Variants in ATP8B4 observed in about 807,000 individuals in gnomAD.
The protein encoded by ATP8B4 is probable phospholipid-transporting ATPase IM.
ATP8B4 carries 133 observed loss-of-function variants against 145.6 expected under a neutral mutation model. The observed-to-expected ratio is 0.91, with a 90% CI of 0.79 to 1.05. The LOEUF is 1.05. Among genes scored for constraint, ATP8B4 ranks in the 50% least tolerant of loss-of-function variants. The probability of loss-of-function intolerance (pLI) is 0.00; values close to 1 mark genes in which losing one functional copy is unlikely to be tolerated. For missense variants in ATP8B4, 1,458 were observed against 1,425.2 expected, an observed-to-expected ratio of 1.02 and a Z score of -0.37; for synonymous variants, 507 against 492.9, an observed-to-expected ratio of 1.03 and a Z score of -0.38.
chr15:50,043,034 C>CTA (rs2051424843), intron 5 of ATP8B4, among the ~76,000 whole-genome samples: 1 of 152,140 alleles, frequency 6.6e-6, no homozygotes, highest in South Asian at 2.1e-4. Flanking sequence ...TATTAGCCTA[C>CTA]TATATATGCT....
In ATP8B4 at chr15:50,031,915, C is replaced by T. The variant is rs77301154; in HGVS notation, c.362+6853G>A. 9.5e-3 allele frequency among the ~76,000 whole-genome samples: 1,452 copies of T among 152,314 alleles called. 32 individuals carry two copies. The highest frequency in any genetic ancestry group is 0.033 in the African/African-American group (1,392 of 41,562). ...ACCAGAACTACTACTTTATATACTT[C>T]ACTTTTAAATGCTATATAGTTAATT... On this transcript the variant is annotated intron_variant, in intron 6 of 27. Transcript: ENST00000284509.
chr15:50,086,948 TTATA>T (rs1181037069), intron 2 of ATP8B4, among the ~76,000 whole-genome samples: 2 of 101,632 alleles, frequency 2.0e-5, no homozygotes, highest in Non-Finnish European at 3.5e-5. Context: ...TCTATATTTA[TTATA>T]TATAATAAAA....
intron 5 of ATP8B4, among the ~76,000 whole-genome samples, 198 bp from the exon 6 acceptor site, chr15:50,039,027 CG>C (rs2051061347): frequency 6.6e-6 from 1 of 152,168 alleles, no homozygotes; most frequent in South Asian, 2.1e-4. Flanking sequence ...CATTACACTC[CG>C]GATGTCACCA....
intron 1 of ATP8B4, among the ~76,000 whole-genome samples, chr15:50,172,663 C>T (rs938312719): frequency 1.3e-5 from 2 of 151,038 alleles, no homozygotes; most frequent in Non-Finnish European, 3.0e-5. Context: ...GTGAGGAGCT[C>T]CTCTTCCCGG....
chr15:50,034,010 G>A (rs1003035189), intron 6 of ATP8B4, among the ~76,000 whole-genome samples: 1 of 152,070 alleles, frequency 6.6e-6, no homozygotes, highest in Non-Finnish European at 1.5e-5. Context: ...TGTGAACAGT[G>A]CTGCAATGAG....
chr15:49,938,779 C>T (rs1183312241), intron 14 of ATP8B4, among the ~76,000 whole-genome samples: 1 of 152,068 alleles, frequency 6.6e-6, no homozygotes, highest in Non-Finnish European at 1.5e-5. Context: ...CTACATAATA[C>T]TCTACCCATC....
At chr15:50,037,913 C>G (rs1029010303) in intron 6 of ATP8B4, among the ~76,000 whole-genome samples, 1 of 152,158 alleles carries the variant, frequency 6.6e-6, no homozygotes, top group Non-Finnish European at 1.5e-5. Context: ...CATGTATTGC[C>G]TAAGCTACCT....
At chr15:50,158,920 A>G (rs957529129) in intron 1 of ATP8B4, among the ~76,000 whole-genome samples, 1 of 152,168 alleles carries the variant, frequency 6.6e-6, no homozygotes, top group Non-Finnish European at 1.5e-5. Context: ...GCTCCTTAAG[A>G]GTCATCACCA....
At chr15:50,065,773 G>A (rs2053339563) in intron 3 of ATP8B4, among the ~76,000 whole-genome samples, 1 of 151,868 alleles carries the variant, frequency 6.6e-6, no homozygotes, top group South Asian at 2.1e-4. Context: ...TTGTACCATT[G>A]CAGTGAAGAA....
rs2050456231 is a variant in ATP8B4 at position 50,031,698 on chromosome 15, C to A, written c.362+7070G>T. ...AAGGCCATATCATATACATCCACCC[C>A]CCTACCACCACCTTCCTTGGTAAGT... On this transcript the variant is annotated intron_variant, in intron 6 of 27. Coordinates refer to ENST00000284509, the MANE Select transcript of ATP8B4 (RefSeq NM_024837.4). Among the ~76,000 whole-genome samples, 3 of 152,068 alleles carry A rather than the reference C, an allele frequency of 2.0e-5. 1 individual carries two copies. In the South Asian group the frequency reaches 6.2e-4, roughly 32 times the overall value.
intron 7 of ATP8B4, chr15:50,009,715 T>G (rs768743912): frequency 4.4e-6 from 2 of 454,838 alleles, no homozygotes; most frequent in South Asian, 3.1e-5. Context: ...AAATTGTGGC[T>G]TAAATAAAAG....
intron 13 of ATP8B4, among the ~76,000 whole-genome samples, chr15:49,964,602 G>A (rs973697820): frequency 2.0e-5 from 3 of 152,204 alleles, no homozygotes; most frequent in East Asian, 3.9e-4. Context: ...TTTTAATGAT[G>A]TTATAAATGC....
intron 24 of ATP8B4, among the ~76,000 whole-genome samples, chr15:49,878,747 C>T (rs886223420): frequency 4.6e-5 from 7 of 152,182 alleles, no homozygotes; most frequent in African/African-American, 1.4e-4. Context: ...GAAATCCATG[C>T]TCTTTCTTTC....
chr15:50,080,994 T>C (rs1394867514), intron 2 of ATP8B4, among the ~76,000 whole-genome samples: 1 of 151,664 alleles, frequency 6.6e-6, no homozygotes, highest in Non-Finnish European at 1.5e-5. Context: ...GCACCTCTAG[T>C]CCCAGCTACT....
chr15:50,101,029 T>G (rs2056321082), intron 2 of ATP8B4, among the ~76,000 whole-genome samples: 1 of 152,204 alleles, frequency 6.6e-6, no homozygotes, highest in African/African-American at 2.4e-5. Context: ...ATGGTTAGAC[T>G]AGACATTCCC....
At chr15:50,019,672 C>T (rs1208530480) in intron 6 of ATP8B4, among the ~76,000 whole-genome samples, 1 of 152,202 alleles carries the variant, frequency 6.6e-6, no homozygotes, top group Admixed American at 6.5e-5. Flanking sequence ...GATTTTGTCT[C>T]CATCCTTCCA....
chr15:50,047,547 C>T, intron 3 of ATP8B4, 83 bp from the exon 4 acceptor site: 3 of 862,768 alleles, frequency 3.5e-6, no homozygotes, highest in South Asian at 2.9e-5. Flanking sequence ...CAAGCCTGAG[C>T]CAGAGTAAGA....
At chr15:49,888,741 G>A (rs765474266) in intron 23 of ATP8B4, among the ~76,000 whole-genome samples, 1 of 152,160 alleles carries the variant, frequency 6.6e-6, no homozygotes, top group Admixed American at 6.5e-5. Context: ...TCCTTAAAAA[G>A]AATCCATGAT....
intron 14 of ATP8B4, among the ~76,000 whole-genome samples, chr15:49,940,847 T>C (rs552457181): frequency 3.0e-4 from 45 of 152,326 alleles, no homozygotes; most frequent in African/African-American, 8.4e-4. Flanking sequence ...GAGCACCAAT[T>C]GGTCAATAAC....
Sources: allele counts gnomAD v4.1 joint callset (sites outside exome capture counted in the v4.1 genomes callset), GRCh38; gene constraint gnomAD v4.1.1; transcripts MANE v1.5; gene names NCBI Gene and HGNC (gene_info 2026-07-23, HGNC 2026-07-21).